GRHL2: variants seen among roughly 807,000 people sequenced by gnomAD.
GRHL2 encodes the protein grainyhead-like protein 2 homolog.
A neutral mutation model predicts 83.8 loss-of-function variants in GRHL2; 21 were observed. The observed-to-expected ratio is 0.25, with a 90% CI of 0.18 to 0.36. GRHL2 has a LOEUF of 0.36. Ranked by LOEUF, GRHL2 falls within the 10% of genes least tolerant of loss-of-function variation. The pLI is 1.00. For missense variants in GRHL2, 623 were observed against 781.8 expected (o/e 0.80, Z 2.42); for synonymous variants, 280 against 278.9 (o/e 1.00, Z -0.04).
chr8:101,495,209 A>T (rs533182754), intron 1 of GRHL2, among the ~76,000 whole-genome samples: 1 of 152,262 alleles, frequency 6.6e-6, no homozygotes, highest in Non-Finnish European at 1.5e-5. Context: ...TGGAAAATCC[A>T]CCTTACGAGG....
At chr8:101,623,849 T>TCACAG (rs1813015628) in intron 9 of GRHL2, among the ~76,000 whole-genome samples, 1 of 144,882 alleles carries the variant, frequency 6.9e-6, no homozygotes. Context: ...GTAGGACAGT[T>TCACAG]TACAATACAC....
rs114977007 is a variant in GRHL2 at position 101,640,661 on chromosome 8, G to A, written c.1518-3470G>A. 7.8e-3 allele frequency among the ~76,000 whole-genome samples: 1,191 copies of A among 152,152 alleles called. 21 individuals carry two copies. Among genetic ancestry groups the A allele is most frequent in the African/African-American group, 0.028 (1,150 of 41,494 alleles). On this transcript the variant is annotated intron_variant, in intron 12 of 15. Coordinates refer to ENST00000646743, the MANE Select transcript of GRHL2 (RefSeq NM_024915.4). ...TTGCCCTGATCCTCTGTCCCCAGTGGGCCCCGCTGAGGTCCTCTTTTTCCA... is the reference window on the plus strand; with the variant it reads ...TTGCCCTGATCCTCTGTCCCCAGTGAGCCCCGCTGAGGTCCTCTTTTTCCA...
chr8:101,662,896 G>A (rs1436439973), intron 14 of GRHL2, among the ~76,000 whole-genome samples: 1 of 146,810 alleles, frequency 6.8e-6, no homozygotes, highest in Non-Finnish European at 1.5e-5. Context: ...AATACAAGTG[G>A]GATCACACCA....
intron 13 of GRHL2, among the ~76,000 whole-genome samples, chr8:101,646,651 T>C (rs928513177): frequency 6.6e-6 from 1 of 152,252 alleles, no homozygotes; most frequent in Non-Finnish European, 1.5e-5. Flanking sequence ...AGAATGAACA[T>C]AATTATTACC....
intron 2 of GRHL2, among the ~76,000 whole-genome samples, chr8:101,546,026 C>T (rs1158190140): frequency 6.6e-6 from 1 of 151,556 alleles, no homozygotes; most frequent in African/African-American, 2.4e-5. Context: ...GGATTACAGG[C>T]ACACTCTACC....
At chr8:101,542,082 T>A (rs901921941) in intron 1 of GRHL2, among the ~76,000 whole-genome samples, 1 of 152,244 alleles carries the variant, frequency 6.6e-6, no homozygotes, top group African/African-American at 2.4e-5. Context: ...CAAAGTAGCT[T>A]ACATTGCCTT....
intron 1 of GRHL2, among the ~76,000 whole-genome samples, chr8:101,506,704 C>A (rs1224984772): frequency 1.3e-5 from 2 of 152,030 alleles, no homozygotes; most frequent in African/African-American, 2.4e-5. Flanking sequence ...ATTTTTAGGT[C>A]ATTGATACAT....
At chr8:101,528,453 C>G (rs1367296741) in intron 1 of GRHL2, among the ~76,000 whole-genome samples, 1 of 150,314 alleles carries the variant, frequency 6.7e-6, no homozygotes, top group Admixed American at 6.6e-5. Flanking sequence ...AACTAACAAG[C>G]AAAAAATCAA....
chr8:101,519,764 A>G (rs1409671560), intron 1 of GRHL2, among the ~76,000 whole-genome samples: 1 of 152,194 alleles, frequency 6.6e-6, no homozygotes, highest in Non-Finnish European at 1.5e-5. Flanking sequence ...GTATATGTGC[A>G]TGTATATTCA....
At chr8:101,547,976 G>C (rs758777798) in intron 2 of GRHL2, among the ~76,000 whole-genome samples, 4 of 152,284 alleles carry the variant, frequency 2.6e-5, no homozygotes, top group African/African-American at 9.6e-5. Flanking sequence ...AAAATGTTTT[G>C]ACTTACTTTA....
intron 4 of GRHL2, chr8:101,562,078 A>AG (rs1193923930): frequency 1.4e-6 from 1 of 693,816 alleles, no homozygotes; most frequent in Non-Finnish European, 2.7e-6. Flanking sequence ...TTTGCCTGCA[A>AG]GGGGGGCTCA....
chr8:101,674,312 A>G (rs1814256927), downstream of GRHL2, among the ~76,000 whole-genome samples: 2 of 152,110 alleles, frequency 1.3e-5, no homozygotes, highest in Non-Finnish European at 2.9e-5. Context: ...GACCGCTAGC[A>G]AGACTAATAA....
At chr8:101,637,406 G>C (rs2129641874) in intron 12 of GRHL2, among the ~76,000 whole-genome samples, 1 of 152,330 alleles carries the variant, frequency 6.6e-6, no homozygotes, top group African/African-American at 2.4e-5. Flanking sequence ...TGGCAGGCCA[G>C]TAGTGAGGCT....
intron 8 of GRHL2, among the ~76,000 whole-genome samples, chr8:101,617,187 T>C (rs1812873623): frequency 6.6e-6 from 1 of 152,162 alleles, no homozygotes; most frequent in Admixed American, 6.5e-5. Context: ...GCTAGATGTG[T>C]TGGCATAATT....
intron 12 of GRHL2, among the ~76,000 whole-genome samples, chr8:101,642,090 C>A (rs1323863249): frequency 6.6e-6 from 1 of 152,160 alleles, no homozygotes; most frequent in Non-Finnish European, 1.5e-5. Flanking sequence ...TGCAGTTGGA[C>A]TGGGCATCAG....
intron 1 of GRHL2, among the ~76,000 whole-genome samples, chr8:101,537,746 C>A (rs369400088): frequency 2.0e-5 from 3 of 152,022 alleles, no homozygotes; most frequent in African/African-American, 7.2e-5. Context: ...AGATTTAAAC[C>A]GAAGTTACCC....
At chr8:101,655,571 A>G (rs770682682) in intron 14 of GRHL2, among the ~76,000 whole-genome samples, 1 of 152,160 alleles carries the variant, frequency 6.6e-6, no homozygotes, top group Non-Finnish European at 1.5e-5. Context: ...GAAAATCATT[A>G]TCTCTACAGA....
In GRHL2 at chr8:101,618,769, TG is replaced by T. The variant is rs1812904696; in HGVS notation, c.1099-768del. 3.9e-5 allele frequency among the ~76,000 whole-genome samples: 6 copies of T among 152,024 alleles called. No individual in the cohort carries two copies. In the South Asian group the frequency reaches 1.2e-3, roughly 32 times the overall value. ...TCTCAAATTGCATGCTTCATAATCA[TG>T]GAACAAAGACAGATATGTAAACAAA... On this transcript the variant is annotated intron_variant, in intron 8 of 15. Coordinates refer to ENST00000646743, the MANE Select transcript of GRHL2 (RefSeq NM_024915.4).
At chr8:101,600,393 T>G (rs1428251216) in intron 8 of GRHL2, among the ~76,000 whole-genome samples, 1 of 152,274 alleles carries the variant, frequency 6.6e-6, no homozygotes, top group Non-Finnish European at 1.5e-5. Context: ...CGGCACTTTG[T>G]TAACCTCCTC....
Sources: gnomAD v4.1 joint callset for allele counts (sites outside exome capture counted in the v4.1 genomes callset) on GRCh38, gnomAD v4.1.1 for gene constraint, MANE v1.5 for transcripts, NCBI Gene and HGNC (gene_info 2026-07-23, HGNC 2026-07-21) for gene names.